The following MOB3B variants were observed in gnomAD, a reference collection of about 807,000 sequenced individuals.
The protein encoded by MOB3B is MOB kinase activator 3B.
Under a neutral mutation model 18.7 loss-of-function variants are expected in MOB3B, and 7 were observed. The ratio of observed to expected loss-of-function variants is 0.37; its 90% CI spans 0.21 to 0.70. MOB3B has a LOEUF of 0.70. Among genes scored for constraint, MOB3B ranks in the 30% least tolerant of loss-of-function variants. The pLI, the probability that MOB3B is intolerant of heterozygous loss-of-function variation, is 0.52. For missense variants in MOB3B, 253 were observed against 281.3 expected (o/e 0.90, Z 0.72); for synonymous variants, 111 against 99.9 (o/e 1.11, Z -0.66).
chr9:27,377,434 T>C (rs537586265), intron 2 of MOB3B, among the ~76,000 whole-genome samples: 2 of 152,176 alleles, frequency 1.3e-5, no homozygotes, highest in Non-Finnish European at 2.9e-5. Context: ...GGCTTGGTCA[T>C]CTGGACCTCA....
intron 2 of MOB3B, among the ~76,000 whole-genome samples, chr9:27,364,515 TC>T (rs1490713662): frequency 6.6e-6 from 1 of 152,178 alleles, no homozygotes; most frequent in Non-Finnish European, 1.5e-5. Context: ...AAATCTGGAT[TC>T]CCCTTTGCTT....
intron 3 of MOB3B, among the ~76,000 whole-genome samples, chr9:27,347,721 T>G (rs1052044303): frequency 2.6e-5 from 4 of 152,230 alleles, no homozygotes; most frequent in African/African-American, 9.7e-5. Flanking sequence ...TAGGCAGGTG[T>G]ACCATTTTTT....
At chr9:27,465,877 T>C (rs147827074) in intron 1 of MOB3B, among the ~76,000 whole-genome samples, 1 of 152,154 alleles carries the variant, frequency 6.6e-6, no homozygotes, top group Non-Finnish European at 1.5e-5. Context: ...CTAGGCTGCA[T>C]ACAGCACGGG....
intron 1 of MOB3B, among the ~76,000 whole-genome samples, chr9:27,481,148 AAC>A (rs1306178763): frequency 7.9e-5 from 12 of 152,230 alleles, no homozygotes; most frequent in Non-Finnish European, 1.8e-4. Context: ...CAGAAGAAAA[AAC>A]AGAGTGAGAC....
intron 3 of MOB3B, among the ~76,000 whole-genome samples, chr9:27,339,986 T>G (rs1011125851): frequency 2.6e-5 from 4 of 152,250 alleles, no homozygotes; most frequent in African/African-American, 9.6e-5. Flanking sequence ...ACTCTAAGTA[T>G]ATACAGGATC....
intron 2 of MOB3B, among the ~76,000 whole-genome samples, chr9:27,454,113 G>A (rs554116303): frequency 6.6e-6 from 1 of 152,268 alleles, no homozygotes; most frequent in African/African-American, 2.4e-5. Flanking sequence ...GTCAATCAAT[G>A]TATACATTTT....
intron 3 of MOB3B, among the ~76,000 whole-genome samples, chr9:27,355,345 C>A (rs1821170117): frequency 6.6e-6 from 1 of 152,094 alleles, no homozygotes; most frequent in Non-Finnish European, 1.5e-5. Context: ...CGTGGGAACT[C>A]TGGGAATGCC....
intron 3 of MOB3B, among the ~76,000 whole-genome samples, chr9:27,348,469 A>G (rs1821061127): frequency 1.3e-5 from 2 of 152,048 alleles, no homozygotes; most frequent in Admixed American, 1.3e-4. Flanking sequence ...CCTGGCCAAC[A>G]TGGTGAAACC....
Position 27,394,990 on chromosome 9 carries a change from C to T in MOB3B, c.419-35754G>A, listed in dbSNP as rs1224014796. Among the ~76,000 whole-genome samples the T allele has an allele frequency of 2.0e-5, 3 of 152,276 alleles. No homozygotes were observed. The East Asian group carries it at 5.8e-4, about 29-fold the overall frequency. The stretch of plus-strand genomic sequence containing the variant: ...ATATTGTATTAATCATTGAGATTTC[C>T]ATTCACTGCTGATGAGAGGTCCAGG... On this transcript the variant is annotated intron_variant, in intron 2 of 3. Transcript: ENST00000262244.
intron 2 of MOB3B, among the ~76,000 whole-genome samples, chr9:27,405,102 T>C (rs1821947223): frequency 8.6e-6 from 1 of 116,452 alleles, no homozygotes; most frequent in Admixed American, 8.7e-5. Context: ...TCTTTTTTTT[T>C]TTTTTTTTTT....
At chr9:27,339,231 C>T (rs77488723) in intron 3 of MOB3B, among the ~76,000 whole-genome samples, 4,089 of 152,192 alleles carry the variant, frequency 0.027, 75 homozygotes, top group Admixed American at 0.052. Context: ...AATCCTTAGG[C>T]GAGGTTCAGG....
chr9:27,433,862 TG>T (rs1822452987), intron 2 of MOB3B, among the ~76,000 whole-genome samples: 2 of 152,084 alleles, frequency 1.3e-5, no homozygotes, highest in South Asian at 4.1e-4. Context: ...GCCTTCTCCT[TG>T]CGAGTCAAAG....
intron 2 of MOB3B, among the ~76,000 whole-genome samples, chr9:27,451,313 T>C (rs897541660): frequency 6.6e-6 from 1 of 152,238 alleles, no homozygotes; most frequent in African/African-American, 2.4e-5. Context: ...AATTTACTGC[T>C]CTTTCAAGGG....
intron 2 of MOB3B, among the ~76,000 whole-genome samples, chr9:27,380,534 G>A (rs1348911374): frequency 4.6e-5 from 7 of 152,086 alleles, no homozygotes; most frequent in Admixed American, 1.3e-4. Flanking sequence ...ACCACGCCCC[G>A]CCAAGAGATA....
At chr9:27,505,704 A>T (rs1007107595) in intron 1 of MOB3B, among the ~76,000 whole-genome samples, 1 of 152,202 alleles carries the variant, frequency 6.6e-6, no homozygotes, top group Non-Finnish European at 1.5e-5. Context: ...CCAGAATTAT[A>T]TTAATTCTCC....
At chr9:27,492,089 T>A (rs1411935067) in intron 1 of MOB3B, among the ~76,000 whole-genome samples, 1 of 152,176 alleles carries the variant, frequency 6.6e-6, no homozygotes, top group Non-Finnish European at 1.5e-5. Context: ...GGGATGTCCA[T>A]GACATCTTAA....
chr9:27,460,672 A>G (rs1819271851), intron 1 of MOB3B, among the ~76,000 whole-genome samples: 1 of 152,138 alleles, frequency 6.6e-6, no homozygotes, highest in East Asian at 1.9e-4. Flanking sequence ...AAGGCAGTTC[A>G]ATATCTTATC....
chr9:27,526,100 C>A (rs1489593929), intron 1 of MOB3B: 2 of 152,198 alleles, frequency 1.3e-5, no homozygotes, highest in African/African-American at 4.8e-5. Context: ...CCTGGTTCTG[C>A]CCTTGGAAGC....
chr9:27,384,015 A>T (rs1821615777), intron 2 of MOB3B, among the ~76,000 whole-genome samples: 1 of 152,218 alleles, frequency 6.6e-6, no homozygotes, highest in Non-Finnish European at 1.5e-5. Flanking sequence ...GCTCTGAGAA[A>T]TTCTACAGTA....
Sources: allele counts gnomAD v4.1 joint callset (sites outside exome capture counted in the v4.1 genomes callset), GRCh38; gene constraint gnomAD v4.1.1; transcripts MANE v1.5; gene names NCBI Gene and HGNC (gene_info 2026-07-23, HGNC 2026-07-21).